The following EDN1 variants were observed in gnomAD, a reference collection of about 807,000 sequenced individuals.
EDN1 encodes endothelin 1.
EDN1 carries 11 observed loss-of-function variants against 21.7 expected under a neutral mutation model. That is an observed-to-expected ratio of 0.51 (90% CI 0.32 to 0.84). The LOEUF is 0.84. EDN1 is among the 40% of genes least tolerant of loss of function. The pLI, the probability that EDN1 is intolerant of heterozygous loss-of-function variation, is 0.03. For synonymous variants in EDN1, 85 were observed against 90.6 expected (o/e 0.94, Z 0.35); for missense variants, 244 against 262.3 (o/e 0.93, Z 0.48).
At chr6:12,270,059 C>A in the EDN1 span, among the ~76,000 whole-genome samples, 1 of 151,836 alleles carries the variant, frequency 6.6e-6, no homozygotes, top group Non-Finnish European at 1.5e-5. Context: ...GAAACTTAAC[C>A]ATTTCTTCTA....
At chr6:12,233,640 G>A in the EDN1 span, among the ~76,000 whole-genome samples, 1 of 152,264 alleles carries the variant, frequency 6.6e-6, no homozygotes, top group African/African-American at 2.4e-5. Flanking sequence ...GATGATGTGT[G>A]TGATGCCAAC....
rs1762641496 is a variant in EDN1 at position 12,290,417 on chromosome 6, G to C, written c.-213G>C. On this transcript the variant is annotated 5_prime_UTR_variant, in exon 1 of 5. Coordinates refer to ENST00000379375, the MANE Select transcript of EDN1 (RefSeq NM_001955.5). Reference sequence around the variant, plus strand: ...GGGTCCTGCGCCTCCTGCAGTCCCAGCTCTCCACCGCCGCGTGCGCCTGCA... The same window carrying C: ...GGGTCCTGCGCCTCCTGCAGTCCCACCTCTCCACCGCCGCGTGCGCCTGCA... The C allele has an allele frequency of 1.7e-6, 1 of 588,638 alleles. No individual in the cohort carries two copies. The allele number at this position is 588,638 out of a possible 1,614,324, so 36.5% of individuals were successfully genotyped here. A position where few individuals can be genotyped will look rare whatever the true frequency, so the allele number is the denominator to read the frequency against.
At chr6:12,261,282 GT>G in the EDN1 span, among the ~76,000 whole-genome samples, 1 of 152,198 alleles carries the variant, frequency 6.6e-6, no homozygotes, top group South Asian at 2.1e-4. Flanking sequence ...AGAGAACCAT[GT>G]GATTCAAGCA....
At chr6:12,285,120 T>G in the EDN1 span, among the ~76,000 whole-genome samples, 1 of 152,186 alleles carries the variant, frequency 6.6e-6, no homozygotes, top group African/African-American at 2.4e-5. Context: ...CCTAATATAA[T>G]TATTAATCAT....
At chr6:12,234,735 A>G in the EDN1 span, among the ~76,000 whole-genome samples, 1 of 152,198 alleles carries the variant, frequency 6.6e-6, no homozygotes, top group Non-Finnish European at 1.5e-5. Flanking sequence ...TCAAGGTGCT[A>G]GAATTAACCT....
Position 12,290,386 on chromosome 6 carries a change from G to A in EDN1, c.-244G>A. On this transcript the variant is annotated 5_prime_UTR_variant, in exon 1 of 5. Transcript: ENST00000379375. Reference sequence around the variant, plus strand: ...AGACGCGCCTCTGCATCTGCGCCAGGCGAACGGGTCCTGCGCCTCCTGCAG... The same window carrying A: ...AGACGCGCCTCTGCATCTGCGCCAGACGAACGGGTCCTGCGCCTCCTGCAG... 2 of 556,740 alleles carry A rather than the reference G, an allele frequency of 3.6e-6. No individual in the cohort carries two copies. The allele number at this position is 556,740 out of a possible 1,614,324, so 34.5% of individuals were successfully genotyped here. A position where few individuals can be genotyped will look rare whatever the true frequency, so the allele number is the denominator to read the frequency against.
chr6:12,267,456 G>T, the EDN1 span, among the ~76,000 whole-genome samples: 1 of 152,112 alleles, frequency 6.6e-6, no homozygotes, highest in African/African-American at 2.4e-5. Flanking sequence ...TAGTAGTCTG[G>T]GTAGAAGAAC....
chr6:12,255,236 A>G, the EDN1 span, among the ~76,000 whole-genome samples: 2,230 of 152,330 alleles, frequency 0.015, 61 homozygotes, highest in African/African-American at 0.049. Context: ...TTTCAAAACA[A>G]TAGCACCTTC....
At chr6:12,256,013 T>G in the EDN1 span, among the ~76,000 whole-genome samples, 1 of 152,156 alleles carries the variant, frequency 6.6e-6, no homozygotes, top group Non-Finnish European at 1.5e-5. Context: ...TAGGAACCAC[T>G]GTAACCCACT....
chr6:12,296,180 A>C lies in EDN1; in HGVS notation c.*113A>C, dbSNP rs561834799. The C allele has an allele frequency of 1.0e-6, 1 of 963,190 alleles. No individual in the cohort carries two copies. Among genetic ancestry groups the C allele is most frequent in the Non-Finnish European group, 1.7e-6 (1 of 594,264 alleles). The allele number at this position is 963,190 out of a possible 1,614,324, so 59.7% of individuals were successfully genotyped here. On this transcript the variant is annotated 3_prime_UTR_variant, in exon 5 of 5. Transcript: ENST00000379375. ...CAGGAGCATCCTCTGCTGGTTCCTGACTGGCAAAGGACCAGCGTCCTCGTT... is the reference window on the plus strand; with the variant it reads ...CAGGAGCATCCTCTGCTGGTTCCTGCCTGGCAAAGGACCAGCGTCCTCGTT...
chr6:12,267,767 A>G, the EDN1 span, among the ~76,000 whole-genome samples: 368 of 152,340 alleles, frequency 2.4e-3, 1 homozygote, highest in African/African-American at 8.3e-3. Context: ...TTCTATTGGA[A>G]GAAGATGCTA....
the EDN1 span, among the ~76,000 whole-genome samples, chr6:12,283,820 C>G: frequency 6.6e-6 from 1 of 152,218 alleles, no homozygotes; most frequent in African/African-American, 2.4e-5. Flanking sequence ...CCAAAACATC[C>G]TGTTAAAATT....
At chr6:12,240,053 C>A in the EDN1 span, among the ~76,000 whole-genome samples, 1 of 152,176 alleles carries the variant, frequency 6.6e-6, no homozygotes, top group Non-Finnish European at 1.5e-5. Context: ...CATGTTCAGA[C>A]ATCATCATTC....
At chr6:12,292,531 T>C (rs774835483) in intron 2 of EDN1, 22 bp downstream of exon 2, 1 of 1,614,086 alleles carries the variant, frequency 6.2e-7, no homozygotes, top group Admixed American at 1.7e-5. Flanking sequence ...GAGGGCATTG[T>C]AACCCTAGTC....
chr6:12,264,984 A>G, the EDN1 span, among the ~76,000 whole-genome samples: 2,806 of 152,260 alleles, frequency 0.018, 88 homozygotes, highest in African/African-American at 0.065. Context: ...TTCCCTCTCT[A>G]TTTATTTGAA....
the EDN1 span, among the ~76,000 whole-genome samples, chr6:12,252,179 T>A: frequency 6.6e-6 from 1 of 152,192 alleles, no homozygotes; most frequent in Non-Finnish European, 1.5e-5. Context: ...TCAATTTGCT[T>A]TGTTCTCCAT....
At chr6:12,252,427 C>T in the EDN1 span, among the ~76,000 whole-genome samples, 2 of 152,136 alleles carry the variant, frequency 1.3e-5, no homozygotes, top group Non-Finnish European at 2.9e-5. Context: ...AATTTAGGTT[C>T]CATTTCTGTC....
the EDN1 span, among the ~76,000 whole-genome samples, chr6:12,255,347 GA>G: frequency 6.6e-6 from 1 of 151,964 alleles, no homozygotes; most frequent in Non-Finnish European, 1.5e-5. Flanking sequence ...GATCTAAAAA[GA>G]AAAAAATTAT....
At chr6:12,236,781 T>TTG in the EDN1 span, among the ~76,000 whole-genome samples, 5 of 151,760 alleles carry the variant, frequency 3.3e-5, no homozygotes, top group African/African-American at 1.2e-4. Flanking sequence ...TTTTTTTTTT[T>TTG]GTTAGGAAAC....
Sources: allele counts gnomAD v4.1 joint callset (sites outside exome capture counted in the v4.1 genomes callset), GRCh38; gene constraint gnomAD v4.1.1; transcripts MANE v1.5; gene names NCBI Gene and HGNC (gene_info 2026-07-23, HGNC 2026-07-21).